SLC16A2: variants seen among roughly 807,000 people sequenced by gnomAD.
SLC16A2 encodes solute carrier family 16 member 2.
SLC16A2 carries 3 observed loss-of-function variants against 27.2 expected under a neutral mutation model. The ratio of observed to expected loss-of-function variants is 0.11; its 90% confidence interval spans 0.05 to 0.28. The LOEUF (loss-of-function observed/expected upper bound fraction) is 0.28, where lower values mean the gene tolerates loss of function less well. Among genes scored for constraint, SLC16A2 ranks in the 10% least tolerant of loss-of-function variants. The probability of loss-of-function intolerance (pLI) is 1.00; values close to 1 mark genes in which losing one functional copy is unlikely to be tolerated. For synonymous variants in SLC16A2, 202 were observed against 187.8 expected (o/e 1.08, Z -0.62); for missense variants, 295 against 458.5 (o/e 0.64, Z 3.26).
intron 1 of SLC16A2, among the ~76,000 whole-genome samples, chrX:74,435,528 T>TATATATGTATATATATATGC (rs1394418462): frequency 3.0e-5 from 2 of 65,851 alleles, no homozygotes; most frequent in African/African-American, 8.2e-5. Flanking sequence ...TATATATGCA[T>TATATATGTATATATATATGC]ATATATATGT....
At chrX:74,518,364 C>T (rs1319535788) in intron 1 of SLC16A2, among the ~76,000 whole-genome samples, 1 of 111,772 alleles carries the variant, frequency 8.9e-6, no homozygotes. Flanking sequence ...GAGACTGAGG[C>T]AGGTGGATCA....
chrX:74,457,464 C>T (rs766242561), intron 1 of SLC16A2, among the ~76,000 whole-genome samples: 10 of 111,210 alleles, frequency 9.0e-5, no homozygotes, highest in Non-Finnish European at 1.3e-4. Context: ...ATGTGGAGGA[C>T]GTAGGATTCT....
chrX:74,429,646 C>T (rs1486962953), intron 1 of SLC16A2, among the ~76,000 whole-genome samples: 1 of 111,831 alleles, frequency 8.9e-6, no homozygotes, highest in African/African-American at 3.3e-5. Flanking sequence ...CTCACCTACC[C>T]GCTTATCCAG....
chrX:74,457,613 T>A (rs1929060337), intron 1 of SLC16A2, among the ~76,000 whole-genome samples: 1 of 111,885 alleles, frequency 8.9e-6, no homozygotes. Flanking sequence ...CGAAGGCCTC[T>A]GAGGAGACTG....
chrX:74,502,217 G>A (rs919271941), intron 1 of SLC16A2, among the ~76,000 whole-genome samples: 2 of 111,652 alleles, frequency 1.8e-5, no homozygotes, highest in South Asian at 7.5e-4. Context: ...TCACTGTGTT[G>A]TTATTCCAAA....
intron 2 of SLC16A2, 149 bp from the exon 3 acceptor site, chrX:74,524,210 G>A (rs1230287823): frequency 8.9e-6 from 5 of 559,265 alleles, no homozygotes; most frequent in Non-Finnish European, 1.5e-5. Context: ...GGGATCAGAA[G>A]GCCCTCTTCT....
chrX:74,524,258 G>C, intron 2 of SLC16A2, 101 bp from the exon 3 acceptor site: 1 of 874,590 alleles, frequency 1.1e-6, no homozygotes, highest in African/African-American at 2.0e-5. Flanking sequence ...TGGGGCTGTG[G>C]GTTAAGGGCG....
At chrX:74,429,973 A>C (rs987928302) in intron 1 of SLC16A2, among the ~76,000 whole-genome samples, 1 of 112,099 alleles carries the variant, frequency 8.9e-6, no homozygotes, top group African/African-American at 3.2e-5. Flanking sequence ...CAGCCTAATG[A>C]TGGCTGCTCT....
intron 2 of SLC16A2, 102 bp downstream of exon 2, chrX:74,521,236 A>G (rs1195240429): frequency 2.0e-6 from 2 of 1,016,854 alleles, no homozygotes; most frequent in East Asian, 6.1e-5. Flanking sequence ...CCCTGTGGCC[A>G]TGGCCCTGTA....
intron 1 of SLC16A2, among the ~76,000 whole-genome samples, chrX:74,507,517 A>G: frequency 8.9e-6 from 1 of 112,036 alleles, no homozygotes. Flanking sequence ...CAACCCTGCT[A>G]CTGAGTATCT....
chrX:74,439,232 C>CTCTT (rs1193934429), intron 1 of SLC16A2, among the ~76,000 whole-genome samples: 15 of 63,947 alleles, frequency 2.3e-4, no homozygotes, highest in East Asian at 4.5e-4. Flanking sequence ...CTCTCTCTCT[C>CTCTT]TCTTTCTTTC....
intron 1 of SLC16A2, among the ~76,000 whole-genome samples, chrX:74,504,728 C>T (rs139435053): frequency 2.0e-3 from 228 of 112,563 alleles, no homozygotes; most frequent in African/African-American, 6.7e-3. Flanking sequence ...CAATGGCTCA[C>T]GCCTGCAGTC....
At chrX:74,463,115 A>G (rs1000735198) in intron 1 of SLC16A2, among the ~76,000 whole-genome samples, 23 of 111,715 alleles carry the variant, frequency 2.1e-4, no homozygotes, top group African/African-American at 7.5e-4. Context: ...GGACTACTGC[A>G]GAGGGAGAGG....
chrX:74,435,543 A>ATATATG (rs1928616287), intron 1 of SLC16A2, among the ~76,000 whole-genome samples: 1 of 88,387 alleles, frequency 1.1e-5, no homozygotes, highest in African/African-American at 4.7e-5. Flanking sequence ...ATATGTATAT[A>ATATATG]TATATATATA....
intron 5 of SLC16A2, among the ~76,000 whole-genome samples, chrX:74,530,204 G>A (rs1026046667): frequency 2.9e-5 from 3 of 105,196 alleles, no homozygotes; most frequent in Admixed American, 1.1e-4. Context: ...GGGTTCAAAC[G>A]ATTCTCCTGC....
chrX:74,446,863 G>A (rs1928846467), intron 1 of SLC16A2, among the ~76,000 whole-genome samples: 1 of 112,191 alleles, frequency 8.9e-6, no homozygotes, highest in Non-Finnish European at 1.9e-5. Flanking sequence ...TACTGATGAG[G>A]TAAACTTGCA....
intron 1 of SLC16A2, among the ~76,000 whole-genome samples, chrX:74,428,172 C>G (rs923600704): frequency 5.4e-5 from 6 of 111,248 alleles, no homozygotes; most frequent in Non-Finnish European, 9.4e-5. Flanking sequence ...CCAGCTCTCT[C>G]TGGCTTTAGG....
At chrX:74,445,388 G>A (rs1928820777) in intron 1 of SLC16A2, among the ~76,000 whole-genome samples, 1 of 110,047 alleles carries the variant, frequency 9.1e-6, no homozygotes. Flanking sequence ...TTCTCTATTC[G>A]GCTTGTGTTC....
At chrX:74,461,803 A>G (rs934194114) in intron 1 of SLC16A2, among the ~76,000 whole-genome samples, 2 of 111,682 alleles carry the variant, frequency 1.8e-5, no homozygotes, top group Admixed American at 1.9e-4. Flanking sequence ...GTGTTACCAG[A>G]AACCACTCCA....
Sources: allele counts gnomAD v4.1 joint callset (sites outside exome capture counted in the v4.1 genomes callset), GRCh38; gene constraint gnomAD v4.1.1; transcripts MANE v1.5; gene names NCBI Gene and HGNC (gene_info 2026-07-23, HGNC 2026-07-21).